The following ULK4 variants were observed in gnomAD, a reference collection of about 807,000 sequenced individuals.
The protein encoded by ULK4 is inactive serine/threonine-protein kinase ULK4.
ULK4 carries 133 observed loss-of-function variants against 160.6 expected under a neutral mutation model. The observed-to-expected ratio is 0.83, with a 90% CI of 0.72 to 0.96. ULK4 has a LOEUF of 0.96. Ranked by LOEUF, ULK4 falls within the 40% of genes least tolerant of loss-of-function variation. The pLI, the probability that ULK4 is intolerant of heterozygous loss-of-function variation, is 0.00. For synonymous variants in ULK4, 534 were observed against 539.8 expected (o/e 0.99, Z 0.15); for missense variants, 1,580 against 1,499.5 (o/e 1.05, Z -0.89).
rs149832243 is a variant in ULK4, at chr3:41,789,695, C to T, written c.2159G>A (p.Cys720Tyr). Residue 720 changes from cysteine (C) to tyrosine (Y), a missense_variant, in exon 21 of 37, where the codon TGT becomes TAT. By Grantham distance (194) the Cys-to-Tyr change is radical. Transcript: ENST00000301831. ...GATTAGTCTTTGAAGATGAATCCCA[C>T]AGGACAACATGGCAGCGAATAAGGT... Reference protein sequence around the residue: ...MLTLFAAMLSCGIHLQRLIQE... With the variant: ...MLTLFAAMLSYGIHLQRLIQE... 117 of 1,604,632 alleles carry T rather than the reference C, an allele frequency of 7.3e-5. No homozygotes were observed. The African/African-American group carries it at 1.0e-3, about 14-fold the overall frequency.
chr3:41,444,180 T>G (rs1289131799), intron 34 of ULK4, among the ~76,000 whole-genome samples: 2 of 152,186 alleles, frequency 1.3e-5, no homozygotes, highest in Non-Finnish European at 2.9e-5. Context: ...CTTTGAAGAT[T>G]GGAAAAGTAA....
chr3:41,528,422 T>TA (rs2086190604), intron 32 of ULK4, among the ~76,000 whole-genome samples: 1 of 152,192 alleles, frequency 6.6e-6, no homozygotes, highest in Non-Finnish European at 1.5e-5. Context: ...TTTTGTAGCC[T>TA]ACTTGTAAGA....
At chr3:41,644,907 C>T (rs2034409421) in intron 30 of ULK4, among the ~76,000 whole-genome samples, 1 of 152,152 alleles carries the variant, frequency 6.6e-6, no homozygotes, top group Non-Finnish European at 1.5e-5. Context: ...CAACTTCTTC[C>T]TGGTTTAGTC....
chr3:41,323,336 G>A (rs1044708057), intron 35 of ULK4, among the ~76,000 whole-genome samples: 2 of 149,954 alleles, frequency 1.3e-5, no homozygotes, highest in East Asian at 2.0e-4. Flanking sequence ...GGGAATGGGA[G>A]TGAATATTGA....
chr3:41,833,432 A>T (rs917721841), intron 18 of ULK4, among the ~76,000 whole-genome samples: 1 of 151,940 alleles, frequency 6.6e-6, no homozygotes, highest in Non-Finnish European at 1.5e-5. Context: ...AGTAGCTGGG[A>T]CTACCAGTGC....
At chr3:41,625,442 G>C (rs2033458203) in intron 30 of ULK4, among the ~76,000 whole-genome samples, 1 of 152,132 alleles carries the variant, frequency 6.6e-6, no homozygotes, top group Non-Finnish European at 1.5e-5. Flanking sequence ...TGGAGACAGT[G>C]ATCAAACCCC....
intron 31 of ULK4, among the ~76,000 whole-genome samples, chr3:41,577,539 G>C (rs1459655182): frequency 6.6e-6 from 1 of 152,016 alleles, no homozygotes; most frequent in African/African-American, 2.4e-5. Flanking sequence ...TACTCACCCT[G>C]TTGTGTTATC....
At position 41,282,141 on chromosome 3, in the gene ULK4, G is replaced by T. The variant is rs151324369; in HGVS notation, c.3679-32567C>A. 2.6e-3 allele frequency among the ~76,000 whole-genome samples: 391 copies of T among 151,892 alleles called. 1 individual carries two copies. Among genetic ancestry groups the T allele is most frequent in the East Asian group, 0.015 (76 of 5,174 alleles). ...GGAGAACTACAAACCACTGCTCAAT[G>T]AAAAAAAAGAGAACACAAACAAATG... On this transcript the variant is annotated intron_variant, in intron 35 of 36. Coordinates refer to ENST00000301831, the MANE Select transcript of ULK4 (RefSeq NM_017886.4).
chr3:41,850,371 T>G (rs868340639), intron 17 of ULK4, among the ~76,000 whole-genome samples: 1 of 152,106 alleles, frequency 6.6e-6, no homozygotes, highest in South Asian at 2.1e-4. Flanking sequence ...GTTCTAGATC[T>G]CTGAGGAATC....
intron 14 of ULK4, 70 bp from the exon 15 acceptor site, chr3:41,897,073 A>C (rs1460102360): frequency 2.2e-6 from 3 of 1,375,256 alleles, no homozygotes; most frequent in Non-Finnish European, 3.0e-6. Flanking sequence ...TTACATAAGA[A>C]ATAAACACAG....
rs575606121 is a variant in ULK4 at position 41,870,836 on chromosome 3, G to A, written c.1656+13038C>T. Among the ~76,000 whole-genome samples the A allele has an allele frequency of 5.3e-5, 8 of 152,264 alleles. No homozygotes were observed. The South Asian group carries it at 1.7e-3, about 32-fold the overall frequency. On this transcript the variant is annotated intron_variant, in intron 17 of 36. Coordinates refer to ENST00000301831, the MANE Select transcript of ULK4 (RefSeq NM_017886.4). Reference sequence around the variant, plus strand: ...AACCCCTGGCAACCACTGTGATATAGTTTGGCTCTGTGTCCCCACCCAAAT... The same window carrying A: ...AACCCCTGGCAACCACTGTGATATAATTTGGCTCTGTGTCCCCACCCAAAT...
At chr3:41,402,304 C>A (rs555197938) in intron 34 of ULK4, among the ~76,000 whole-genome samples, 1 of 152,274 alleles carries the variant, frequency 6.6e-6, no homozygotes, top group South Asian at 2.1e-4. Flanking sequence ...CCTGTAAATA[C>A]AGATAGGTTT....
At chr3:41,861,968 C>T (rs1244891383) in intron 17 of ULK4, among the ~76,000 whole-genome samples, 2 of 152,050 alleles carry the variant, frequency 1.3e-5, no homozygotes, top group African/African-American at 4.8e-5. Flanking sequence ...CACACTATCA[C>T]ACCCAGCTAA....
At chr3:41,278,138 T>C (rs2079264640) in intron 35 of ULK4, 1 of 152,292 alleles carries the variant, frequency 6.6e-6, no homozygotes, top group Non-Finnish European at 1.5e-5. Flanking sequence ...ACCAGGAGAT[T>C]CCCTCCCGTG....
At chr3:41,619,854 A>G (rs753204947) in intron 30 of ULK4, among the ~76,000 whole-genome samples, 2 of 152,292 alleles carry the variant, frequency 1.3e-5, no homozygotes, top group South Asian at 4.1e-4. Flanking sequence ...AAGATTAACA[A>G]AACAGATGGA....
At chr3:41,495,379 A>T (rs1308968508) in intron 32 of ULK4, among the ~76,000 whole-genome samples, 1 of 152,098 alleles carries the variant, frequency 6.6e-6, no homozygotes, top group Admixed American at 6.6e-5. Context: ...AGCCATATGT[A>T]GAAAGCTGAA....
At chr3:41,300,725 G>A (rs189604405) in intron 35 of ULK4, among the ~76,000 whole-genome samples, 10 of 151,264 alleles carry the variant, frequency 6.6e-5, no homozygotes, top group Non-Finnish European at 1.0e-4. Flanking sequence ...TGGGGATACC[G>A]TCCTAGCCAT....
At position 41,663,741 on chromosome 3, in the gene ULK4, A is replaced by G. The variant is rs751089428; in HGVS notation, c.2979-42T>C. 3.3e-6 allele frequency: 5 copies of G among 1,521,694 alleles called. No individual in the cohort carries two copies. The East Asian group carries it at 1.1e-4, about 34-fold the overall frequency. 94.3% of individuals were successfully genotyped at this position (1,521,694 alleles called of 1,614,324 possible). ...ATTTAAAAAATACTCAGTAGGAAAA[A>G]TTATGTCCAACCTTGAATTCTATAT... On this transcript the variant is annotated intron_variant, in intron 29 of 36. Coordinates refer to ENST00000301831, the MANE Select transcript of ULK4 (RefSeq NM_017886.4).
chr3:41,783,257 G>T (rs1266573140), intron 21 of ULK4, among the ~76,000 whole-genome samples: 1 of 151,908 alleles, frequency 6.6e-6, no homozygotes, highest in African/African-American at 2.4e-5. Flanking sequence ...CGGAGTCTTA[G>T]CCAGAGCAGT....
Sources: gnomAD v4.1 joint callset for allele counts (sites outside exome capture counted in the v4.1 genomes callset) on GRCh38, gnomAD v4.1.1 for gene constraint, MANE v1.5 for transcripts, NCBI Gene and HGNC (gene_info 2026-07-23, HGNC 2026-07-21) for gene names.